Variants in MGAM2 observed in about 807,000 individuals in gnomAD.
MGAM2 encodes maltase-glucoamylase 2 (putative).
In MGAM2, 98 loss-of-function variants were observed where a neutral mutation model predicts 96.1. That is an observed-to-expected ratio of 1.02 (90% confidence interval 0.87 to 1.21). The LOEUF (loss-of-function observed/expected upper bound fraction) is 1.21, where lower values mean the gene tolerates loss of function less well. Ranked by LOEUF, MGAM2 falls within the 50% of genes most tolerant of loss-of-function variation. The pLI, the probability that MGAM2 is intolerant of heterozygous loss-of-function variation, is 0.00. For missense variants in MGAM2, 2,055 were observed against 1,182.4 expected (o/e 1.74, Z -10.82); for synonymous variants, 749 against 414.8 (o/e 1.81, Z -9.79).
intron 8 of MGAM2, 117 bp downstream of exon 8, chr7:142,136,757 A>G: frequency 1.9e-6 from 1 of 536,160 alleles, no homozygotes; most frequent in Non-Finnish European, 3.3e-6. Context: ...TGAACCTACA[A>G]TACTTTTATT....
chr7:142,135,074 G>T (rs1371564548), intron 7 of MGAM2, among the ~76,000 whole-genome samples: 1 of 151,858 alleles, frequency 6.6e-6, no homozygotes, highest in Non-Finnish European at 1.5e-5. Flanking sequence ...CCTCCATTGT[G>T]CTGATGATAT....
Position 142,187,852 on chromosome 7 carries a change from T to C in MGAM2, c.4207+18T>C. 1.4e-6 allele frequency: 1 copy of C among 699,276 alleles called. No individual in the cohort carries two copies. Among genetic ancestry groups the C allele is most frequent in the Non-Finnish European group, 2.6e-6 (1 of 382,984 alleles). The allele number at this position is 699,276 out of a possible 1,614,324, so 43.3% of individuals were successfully genotyped here. On this transcript the variant is annotated intron_variant, in intron 36 of 47. Coordinates refer to ENST00000477922, the MANE Select transcript of MGAM2 (RefSeq NM_001293626.2). ...TATGCCATGTATGTAAAATAATTAC[T>C]TCATCAACTTACTTTCCTACTCAAA...
At chr7:142,184,569 G>A (rs1796638500) in intron 33 of MGAM2, among the ~76,000 whole-genome samples, 1 of 152,188 alleles carries the variant, frequency 6.6e-6, no homozygotes, top group South Asian at 2.1e-4. Flanking sequence ...CAATTAATCA[G>A]TGTGTATATA....
At chr7:142,142,259 T>C (rs1208801685) in intron 12 of MGAM2, among the ~76,000 whole-genome samples, 2 of 152,212 alleles carry the variant, frequency 1.3e-5, no homozygotes, top group Non-Finnish European at 2.9e-5. Context: ...TAGAAGCTAG[T>C]TTCTAAAATA....
intron 36 of MGAM2, among the ~76,000 whole-genome samples, chr7:142,188,461 C>T (rs912656501): frequency 2.0e-5 from 3 of 151,972 alleles, no homozygotes; most frequent in African/African-American, 4.8e-5. Context: ...CAAACAAACA[C>T]CAAAAACCAG....
rs1796804213 is a variant in MGAM2, at chr7:142,189,511, T to G, written c.4346+6T>G. On this transcript the variant is annotated splice_donor_region_variant and intron_variant, in intron 37 of 47. Transcript: ENST00000477922. ...CAGACCAGACCCACATACGAGTGAG[T>G]GTCTTTTTGTCACAGCAGCAAAGAT... is the stretch of plus-strand genomic sequence containing the variant. 9.1e-6 allele frequency: 7 copies of G among 768,714 alleles called. No individual in the cohort carries two copies. The highest frequency in any genetic ancestry group is 1.8e-5 in the African/African-American group (1 of 56,952). The allele number at this position is 768,714 out of a possible 1,614,324, so 47.6% of individuals were successfully genotyped here.
chr7:142,161,712 C>T (rs555709142), intron 22 of MGAM2, among the ~76,000 whole-genome samples: 24 of 152,108 alleles, frequency 1.6e-4, no homozygotes, highest in Non-Finnish European at 3.2e-4. Context: ...ACAATGCACA[C>T]ATAGATAAAT....
In MGAM2 at chr7:142,171,426, G is replaced by T. The variant is rs777073088; in HGVS notation, c.3337G>T (p.Asp1113Tyr). Residue 1113 changes from aspartate (D) to tyrosine (Y), a missense_variant, in exon 28 of 48, where the codon GAT becomes TAT. Physicochemically the swap from Asp to Tyr is radical, Grantham distance 160 (BLOSUM62 -3). Coordinates refer to ENST00000477922, the MANE Select transcript of MGAM2 (RefSeq NM_001293626.2). ...NWNTWGMFAH[D>Y]EPPAYKKNSY... is the part of the protein sequence containing the mutation. Reference sequence around the variant, plus strand: ...GAACACATGGGGAATGTTTGCTCATGATGAGCCACCTGCGGTAGGGACAAA... The same window carrying T: ...GAACACATGGGGAATGTTTGCTCATTATGAGCCACCTGCGGTAGGGACAAA... The T allele has an allele frequency of 1.5e-4, 103 of 702,998 alleles. No individual in the cohort carries two copies. In the African/African-American group the frequency reaches 1.7e-3, roughly 12 times the overall value. 43.5% of individuals were successfully genotyped at this position (702,998 alleles called of 1,614,324 possible).
At chr7:142,137,382 A>G in intron 8 of MGAM2, 51 bp from the exon 9 acceptor site, 1 of 649,392 alleles carries the variant, frequency 1.5e-6, no homozygotes, top group Non-Finnish European at 2.8e-6. Flanking sequence ...TGCAGAGAAG[A>G]GTTTACTTCC....
chr7:142,198,369 C>T (rs973403165), intron 43 of MGAM2, among the ~76,000 whole-genome samples, 174 bp downstream of exon 43: 1 of 152,132 alleles, frequency 6.6e-6, no homozygotes, highest in Non-Finnish European at 1.5e-5. Context: ...AATCTAAGCA[C>T]CTACATCTCA....
chr7:142,145,095 A>G (rs1181968587), intron 14 of MGAM2, 150 bp downstream of exon 14: 1 of 567,758 alleles, frequency 1.8e-6, no homozygotes. Context: ...TCTCTGCAGC[A>G]GTGTTGGGTC....
intron 37 of MGAM2, among the ~76,000 whole-genome samples, chr7:142,194,569 T>C (rs1390763078): frequency 6.6e-6 from 1 of 152,198 alleles, no homozygotes; most frequent in Non-Finnish European, 1.5e-5. Flanking sequence ...TTCTTCCAAT[T>C]TGTGTATGGT....
chr7:142,194,688 A>ATGTGTGTGTGTGTG (rs1491431748), intron 37 of MGAM2, among the ~76,000 whole-genome samples: 1 of 112,166 alleles, frequency 8.9e-6, no homozygotes, highest in African/African-American at 3.6e-5. Context: ...TTAATAGAAC[A>ATGTGTGTGTGTGTG]TGTGTGTATG....
Position 142,140,787 on chromosome 7 carries a change from A to G in MGAM2, c.1087-15A>G, listed in dbSNP as rs529146432. 7 of 700,692 alleles carry G rather than the reference A, an allele frequency of 1.0e-5. No individual in the cohort carries two copies. Among genetic ancestry groups the G allele is most frequent in the African/African-American group, 8.7e-5 (5 of 57,218 alleles). 43.4% of individuals were successfully genotyped at this position (700,692 alleles called of 1,614,324 possible). On this transcript the variant is annotated splice_polypyrimidine_tract_variant and intron_variant, in intron 10 of 47. Transcript: ENST00000477922. ...GCTGTTTCCTAGGTTCTGATTGACC[A>G]GAGCTCTCTTTCAGGATGTCCAGTA...
intron 33 of MGAM2, among the ~76,000 whole-genome samples, chr7:142,183,950 C>CTCTTT (rs1796616341): frequency 2.2e-5 from 1 of 46,112 alleles, no homozygotes; most frequent in Non-Finnish European, 4.9e-5. Flanking sequence ...TTCCAGGCTC[C>CTCTTT]TTTTTTTTTT....
rs76020168 is a variant in MGAM2 at position 142,151,842 on chromosome 7, G to A, written c.1635-2176G>A. 4.5e-3 allele frequency among the ~76,000 whole-genome samples: 689 copies of A among 152,352 alleles called. 7 individuals are homozygous for A. The highest frequency in any genetic ancestry group is 7.1e-3 in the Non-Finnish European group (481 of 68,038). On this transcript the variant is annotated intron_variant, in intron 15 of 47. Transcript: ENST00000477922. ...TGGCCTACGCTCCCAGAGGACAGTGGAGATAAGTGGAACTTGGTCTTTGGG... is the reference window on the plus strand; with the variant it reads ...TGGCCTACGCTCCCAGAGGACAGTGAAGATAAGTGGAACTTGGTCTTTGGG...
intron 46 of MGAM2, 36 bp downstream of exon 46, chr7:142,208,658 C>T (rs1797485520): frequency 2.9e-6 from 2 of 700,332 alleles, no homozygotes; most frequent in African/African-American, 3.5e-5. Flanking sequence ...AAATCTTTTC[C>T]CAGGTGTCTA....
intron 31 of MGAM2, 145 bp downstream of exon 31, chr7:142,173,499 A>G (rs1163199773): frequency 6.7e-6 from 3 of 445,986 alleles, no homozygotes; most frequent in Non-Finnish European, 8.0e-6. Flanking sequence ...CTATAATACT[A>G]TGTACTTATT....
chr7:142,140,977 A>C (rs1289363497), intron 11 of MGAM2, 44 bp downstream of exon 11: 9 of 691,064 alleles, frequency 1.3e-5, no homozygotes. Context: ...TTTGTAGTGC[A>C]AAAAATTTAT....
Sources: allele counts gnomAD v4.1 joint callset (sites outside exome capture counted in the v4.1 genomes callset), GRCh38; gene constraint gnomAD v4.1.1; transcripts MANE v1.5; gene names NCBI Gene and HGNC (gene_info 2026-07-23, HGNC 2026-07-21).